THBS3: variants seen among roughly 807,000 people sequenced by gnomAD.
THBS3 encodes the protein thrombospondin-3.
In THBS3, 78 loss-of-function variants were observed where a neutral mutation model predicts 118.3. The observed-to-expected ratio is 0.66, with a 90% CI of 0.55 to 0.80. The LOEUF (loss-of-function observed/expected upper bound fraction) is 0.80, where lower values mean the gene tolerates loss of function less well. Among genes scored for constraint, THBS3 ranks in the 30% least tolerant of loss-of-function variants. THBS3 has a pLI of 0.00. For missense variants in THBS3, 1,057 were observed against 1,247.4 expected, an observed-to-expected ratio of 0.85 and a Z score of 2.30; for synonymous variants, 427 against 475.3, an observed-to-expected ratio of 0.90 and a Z score of 1.32.
upstream of THBS3, chr1:155,209,133 CG>C (rs1409062854): frequency 5.8e-6 from 9 of 1,540,430 alleles, no homozygotes; most frequent in Non-Finnish European, 7.0e-6. Context: ...CTCGCCTCCC[CG>C]GGGATCTCCC....
At chr1:155,204,344 C>T (rs1391445774) in intron 4 of THBS3, among the ~76,000 whole-genome samples, 1 of 151,852 alleles carries the variant, frequency 6.6e-6, no homozygotes, top group African/African-American at 2.4e-5. Flanking sequence ...AATCCCAGCA[C>T]TTTGAGAGGC....
At chr1:155,196,188 AC>A (rs1469522101) in intron 21 of THBS3, 62 bp from the exon 22 acceptor site, 5 of 1,593,892 alleles carry the variant, frequency 3.1e-6, no homozygotes, top group Admixed American at 1.7e-5. Context: ...GCACTGTGCC[AC>A]CATGCCTGGG....
In THBS3 at chr1:155,198,102, G is replaced by A. The variant is rs137877473; in HGVS notation, c.2193C>T (p.Thr731=). The stretch of plus-strand genomic sequence containing the variant: ...CATCACCCTCAGGATCCAGGACGAC[G>A]GTCTGATAGGCCCGAAAATCCGTAA... The part of the protein sequence containing the change: ...VTLTDFRAYQ[T]VVLDPEGDAQ... The change falls in exon 18 of 23, where the codon ACC becomes ACT. Residue 731 remains threonine (T), a synonymous_variant. Coordinates refer to ENST00000368378, the MANE Select transcript of THBS3 (RefSeq NM_007112.5). 2.2e-4 allele frequency: 361 copies of A among 1,614,130 alleles called. 1 individual carries two copies. The African/African-American group carries it at 4.1e-3, about 18-fold the overall frequency.
Position 155,198,100 on chromosome 1 carries a change from A to T in THBS3, c.2195T>A (p.Val732Asp). Residue 732 changes from valine to aspartate, a missense_variant, in exon 18 of 23, where the codon GTC (valine) becomes GAC (aspartate). Around this residue, in one of 3 missense-constraint regions of THBS3, gnomAD observed 307 missense variants for 326.1 expected, o/e 0.94. Transcript: ENST00000368378. ...TLTDFRAYQT[V>D]VLDPEGDAQI... is the part of the protein sequence containing the mutation. ...AGCATCACCCTCAGGATCCAGGACG[A>T]CGGTCTGATAGGCCCGAAAATCCGT... The T allele has an allele frequency of 6.2e-6, 10 of 1,614,138 alleles. No homozygotes were observed. The highest frequency in any genetic ancestry group is 8.5e-6 in the Non-Finnish European group (10 of 1,180,032).
chr1:155,204,227 A>G (rs1378868137), intron 4 of THBS3, among the ~76,000 whole-genome samples: 1 of 152,192 alleles, frequency 6.6e-6, no homozygotes, highest in African/African-American at 2.4e-5. Context: ...CATCCCTGTC[A>G]GAGAGACCAG....
chr1:155,200,307 T>A (rs1557863084), intron 14 of THBS3, 144 bp downstream of exon 14: 1 of 1,097,886 alleles, frequency 9.1e-7, no homozygotes, highest in African/African-American at 1.6e-5. Flanking sequence ...TGACATCTGC[T>A]GCAGGTAATC....
rs745990785 is a variant in THBS3 at position 155,202,099 on chromosome 1, A to G, written c.1099-65T>C. ...GGTCTCCTCAGATACAGCAGAGGAC[A>G]CTGGTATGGCCTTATCTGTGAACAT... On this transcript the variant is annotated intron_variant, in intron 9 of 22. Transcript: ENST00000368378. The surrounding 1 kb of genome is among the most constrained non-coding windows in gnomAD (Gnocchi z 5.5). 5.4e-4 allele frequency: 868 copies of G among 1,613,462 alleles called. 1 individual carries two copies. Among genetic ancestry groups the G allele is most frequent in the Non-Finnish European group, 6.7e-4 (792 of 1,179,784 alleles).
At chr1:155,198,325 C>T in intron 17 of THBS3, 84 bp downstream of exon 17, 3 of 1,585,848 alleles carry the variant, frequency 1.9e-6, no homozygotes, top group Middle Eastern at 1.7e-4. Flanking sequence ...CCACCTTGCC[C>T]TTCCTCACTT....
rs1466239468 is a variant in THBS3 at position 155,207,835 on chromosome 1, G to C, written c.42C>G (p.Leu14=). The part of the protein sequence containing the change: ...QELRGALALL[L]LCFFTSASQD... ...GACTGGCAGATGTGAAAAAGCAAAG[G>C]AGGAGAAGAGCCAGGGCCCCCCGAA... is the stretch of plus-strand genomic sequence containing the variant. The change falls in exon 1 of 23, where the codon CTC becomes CTG. Residue 14 remains leucine (L), a synonymous_variant. Coordinates refer to ENST00000368378, the MANE Select transcript of THBS3 (RefSeq NM_007112.5). 1 of 1,613,956 alleles carries C rather than the reference G, an allele frequency of 6.2e-7. No individual in the cohort carries two copies. Among genetic ancestry groups the C allele is most frequent in the Non-Finnish European group, 8.5e-7 (1 of 1,179,916 alleles).
In THBS3 at chr1:155,201,567, G is replaced by A; in HGVS notation, c.1179C>T (p.Gly393=). The A allele has an allele frequency of 6.2e-7, 1 of 1,613,682 alleles. No homozygotes were observed. The highest frequency in any genetic ancestry group is 1.1e-5 in the South Asian group (1 of 91,026). ...GGCGGCAGGGACCACACTTGAAAGAGCCCTAAGAGTGGAGAGGCAGCATCT... is the reference window on the plus strand; with the variant it reads ...GGCGGCAGGGACCACACTTGAAAGAACCCTAAGAGTGGAGAGGCAGCATCT... ...DPNSICTNTV[G]SFKCGPCRLG... Residue 393 remains glycine (G), a splice_region_variant and synonymous_variant, in exon 11 of 23, where the codon GGC becomes GGT. Transcript: ENST00000368378.
intron 21 of THBS3, 127 bp downstream of exon 21, chr1:155,196,914 G>T: frequency 2.3e-6 from 2 of 859,478 alleles, no homozygotes; most frequent in Non-Finnish European, 3.6e-6. Context: ...TGTGTCCGTG[G>T]TGAGAAGGGT....
rs765706825 is a variant in THBS3, at chr1:155,197,994, C to G, written c.2253+48G>C. ...GCTATCCCTCCCAGGCCCCCCGTCCCAGTAGCCCTGTCTGATAGCACCTGC... is the reference window on the plus strand; with the variant it reads ...GCTATCCCTCCCAGGCCCCCCGTCCGAGTAGCCCTGTCTGATAGCACCTGC... On this transcript the variant is annotated intron_variant, in intron 18 of 22. Coordinates refer to ENST00000368378, the MANE Select transcript of THBS3 (RefSeq NM_007112.5). This position sits in a 1 kb window ranked among gnomAD's most constrained non-coding sequence, Gnocchi z 5.0. The G allele has an allele frequency of 4.3e-6, 7 of 1,614,136 alleles. No individual in the cohort carries two copies. The Admixed American group carries it at 1.0e-4, about 23-fold the overall frequency.
rs751101015 is a variant in THBS3, at chr1:155,203,494, T to C, written c.673+19A>G. Reference sequence around the variant, plus strand: ...CCTCCTCCCCGCTCCCCGCTTCCGCTTCAGTGTGGCCTACTCACCTAGAAT... The same window carrying C: ...CCTCCTCCCCGCTCCCCGCTTCCGCCTCAGTGTGGCCTACTCACCTAGAAT... On this transcript the variant is annotated intron_variant, in intron 5 of 22. Coordinates refer to ENST00000368378, the MANE Select transcript of THBS3 (RefSeq NM_007112.5). 3.1e-6 allele frequency: 5 copies of C among 1,613,462 alleles called. No homozygotes were observed. The Admixed American group carries it at 5.0e-5, about 16-fold the overall frequency.
intron 14 of THBS3, 46 bp downstream of exon 14, chr1:155,200,405 A>AATT: frequency 9.4e-6 from 15 of 1,598,628 alleles, no homozygotes; most frequent in Non-Finnish European, 1.3e-5. Flanking sequence ...ACCTGATCCA[A>AATT]ATTCTCACAG....
chr1:155,203,763 C>G (rs1172124034), intron 4 of THBS3, among the ~76,000 whole-genome samples: 1 of 152,092 alleles, frequency 6.6e-6, no homozygotes, highest in Non-Finnish European at 1.5e-5. Context: ...AGTTAGAACC[C>G]AAATCCTCCT....
rs1668797939 is a variant in THBS3 at position 155,197,066 on chromosome 1, G to A, written c.2647C>T (p.His883Tyr). ...DKTSYRWQLLHRPQVGYIRVK... is the reference protein window; with the variant it reads ...DKTSYRWQLLYRPQVGYIRVK... The stretch of plus-strand genomic sequence containing the variant: ...CGAATGTAGCCAACTTGAGGCCGGT[G>A]CAGAAGCTGCCAGCGATAGGAGGTC... The change falls in exon 21 of 23, where the codon CAC becomes TAC. Residue 883 changes from histidine to tyrosine, a missense_variant. By Grantham distance (83) the His-to-Tyr change is moderately conservative. This residue lies in a region of THBS3 where 307 missense variants were observed against 326.1 expected (regional missense o/e 0.94). Transcript: ENST00000368378. This position sits in a 1 kb window ranked among gnomAD's most constrained non-coding sequence, Gnocchi z 5.0. 2 of 1,614,046 alleles carry A rather than the reference G, an allele frequency of 1.2e-6. No homozygotes were observed. The highest frequency in any genetic ancestry group is 1.7e-6 in the Non-Finnish European group (2 of 1,179,982).
chr1:155,200,153 G>A (rs755804426), intron 14 of THBS3, 40 bp from the exon 15 acceptor site: 34 of 1,480,448 alleles, frequency 2.3e-5, no homozygotes, highest in Non-Finnish European at 3.1e-5. Flanking sequence ...ACTAGAACAT[G>A]CCATATTCTC....
chr1:155,208,618 T>C (rs1001397487), upstream of THBS3: 9 of 626,602 alleles, frequency 1.4e-5, no homozygotes, highest in African/African-American at 1.7e-4. Flanking sequence ...GGACGGGCCG[T>C]GACCCGGATG....
chr1:155,197,896 G>C lies in THBS3; in HGVS notation c.2286C>G (p.Asp762Glu), dbSNP rs1040694186. The change falls in exon 19 of 23, where the codon GAC (aspartate) becomes GAG (glutamate). Residue 762 changes from aspartate to glutamate, a missense_variant. Asp to Glu is a conservative substitution (Grantham distance 45). Around this residue, in one of 3 missense-constraint regions of THBS3, gnomAD observed 307 missense variants for 326.1 expected, o/e 0.94. Transcript: ENST00000368378. The surrounding 1 kb of genome is among the most constrained non-coding windows in gnomAD (Gnocchi z 5.0). ...GMEIVQTMNS[D>E]PGLAVGYTAF... ...CTTACATACCAACTGCCAAGCCAGG[G>C]TCACTGTTCATGGTCTGAACGATTT... 51 of 1,613,946 alleles carry C rather than the reference G, an allele frequency of 3.2e-5. No individual in the cohort carries two copies. Among genetic ancestry groups the C allele is most frequent in the Non-Finnish European group, 4.3e-5 (51 of 1,180,012 alleles).
Sources: gnomAD v4.1 joint callset for allele counts (sites outside exome capture counted in the v4.1 genomes callset) on GRCh38, gnomAD v4.1.1 for gene constraint, gnomAD v4.1.1 regional missense constraint, Gnocchi (gnomAD v3.1) non-coding constraint, MANE v1.5 for transcripts, NCBI Gene and HGNC (gene_info 2026-07-23, HGNC 2026-07-21) for gene names.